Variants in GALK2 observed in about 807,000 individuals in gnomAD.
The protein encoded by GALK2 is galactokinase 2.
Under a neutral mutation model 52.4 loss-of-function variants are expected in GALK2, and 36 were observed. The ratio of observed to expected loss-of-function variants is 0.69; its 90% CI spans 0.53 to 0.91. The LOEUF is 0.91. GALK2 is among the 40% of genes least tolerant of loss of function. GALK2 has a pLI of 0.00. For synonymous variants in GALK2, 176 were observed against 199.1 expected (o/e 0.88, Z 0.98); for missense variants, 579 against 559.1 (o/e 1.04, Z -0.36).
intron 4 of GALK2, 42 bp from the exon 5 acceptor site, chr15:49,239,179 T>C: frequency 6.3e-7 from 1 of 1,580,632 alleles, no homozygotes; most frequent in Non-Finnish European, 8.7e-7. Context: ...CTCCTTGAAT[T>C]CAATACTGAA....
intron 2 of GALK2, among the ~76,000 whole-genome samples, chr15:49,208,963 A>G (rs1404301569): frequency 6.6e-6 from 1 of 152,206 alleles, no homozygotes; most frequent in Non-Finnish European, 1.5e-5. Flanking sequence ...TGTCTAATAT[A>G]AGAATGGCTA....
At chr15:49,177,171 T>A (rs191092104) in intron 1 of GALK2, among the ~76,000 whole-genome samples, 7 of 152,178 alleles carry the variant, frequency 4.6e-5, no homozygotes, top group African/African-American at 1.7e-4. Context: ...GTAATTTTTT[T>A]ATCCAATCTG....
chr15:49,350,305 C>A (rs1448505713), intron 3 of GALK2, among the ~76,000 whole-genome samples: 1 of 152,098 alleles, frequency 6.6e-6, no homozygotes, highest in East Asian at 1.9e-4. Context: ...ATTTAAATGA[C>A]CACACATGGC....
chr15:49,174,438 C>T (rs968231461), intron 1 of GALK2, among the ~76,000 whole-genome samples: 6 of 152,108 alleles, frequency 3.9e-5, no homozygotes, highest in Admixed American at 6.6e-5. Context: ...CACCACTTGC[C>T]GGGTTCAAGC....
intron 3 of GALK2, among the ~76,000 whole-genome samples, chr15:49,232,927 A>G (rs2090584479): frequency 6.6e-6 from 1 of 152,192 alleles, no homozygotes; most frequent in African/African-American, 2.4e-5. Flanking sequence ...GGAAGTTACA[A>G]ATTTTCCTCA....
intron 9 of GALK2, 83 bp from the exon 10 acceptor site, chr15:49,327,869 T>C (rs2037793146): frequency 1.5e-6 from 2 of 1,307,380 alleles, no homozygotes; most frequent in Non-Finnish European, 1.1e-6. Flanking sequence ...AGAACTTAGA[T>C]AGGCTATGTG....
intron 3 of GALK2, chr15:49,367,311 T>A: frequency 2.8e-6 from 2 of 724,854 alleles, no homozygotes; most frequent in South Asian, 3.5e-5. Flanking sequence ...GTTTTAAGCA[T>A]AAGTAAATAT....
intron 3 of GALK2, among the ~76,000 whole-genome samples, chr15:49,228,709 T>TTG: frequency 1.3e-5 from 1 of 78,414 alleles, no homozygotes; most frequent in Non-Finnish European, 2.6e-5. Flanking sequence ...TTTTTTTTTT[T>TTG]TTGCGATGGA....
rs1026820124 is a variant in GALK2 at position 49,330,264 on chromosome 15, C to T, written c.*2105C>T. ...GGTATGTAGTGAAGAATAAGATTGA[C>T]TACACTGGCTGGAGCTAGCTTTTGA... On this transcript the variant is annotated 3_prime_UTR_variant, in exon 10 of 10. Transcript: ENST00000560031. 6.6e-6 allele frequency: 1 copy of T among 152,212 alleles called. No individual in the cohort carries two copies. The highest frequency in any genetic ancestry group is 2.1e-4 in the South Asian group (1 of 4,830). The allele number at this position is 152,212 out of a possible 1,614,324, so 9.4% of individuals were successfully genotyped here. A position where few individuals can be genotyped will look rare whatever the true frequency, so the allele number is the denominator to read the frequency against.
intron 5 of GALK2, among the ~76,000 whole-genome samples, chr15:49,243,916 A>G (rs1368958233): frequency 6.6e-6 from 1 of 151,854 alleles, no homozygotes; most frequent in Non-Finnish European, 1.5e-5. Context: ...TGAGGCCAGG[A>G]GTTCAAGACC....
chr15:49,333,118 T>C (rs2039089868), downstream of GALK2, among the ~76,000 whole-genome samples: 1 of 152,172 alleles, frequency 6.6e-6, no homozygotes, highest in African/African-American at 2.4e-5. Flanking sequence ...TCCAAGTCAC[T>C]CTTTTAGTTT....
intron 5 of GALK2, among the ~76,000 whole-genome samples, chr15:49,253,896 G>A (rs1324803437): frequency 6.9e-6 from 1 of 144,260 alleles, no homozygotes; most frequent in African/African-American, 2.5e-5. Flanking sequence ...GAGGGGCACA[G>A]TCATTGGGTG....
chr15:49,340,404 C>T (rs1320691590), intron 3 of GALK2, among the ~76,000 whole-genome samples: 1 of 33,260 alleles, frequency 3.0e-5, no homozygotes, highest in Non-Finnish European at 6.2e-5. Flanking sequence ...CAGTGCCCCG[C>T]CCCCCCCCTC....
intron 8 of GALK2, among the ~76,000 whole-genome samples, chr15:49,310,313 A>G (rs1416365689): frequency 6.6e-6 from 1 of 152,206 alleles, no homozygotes; most frequent in Admixed American, 6.5e-5. Flanking sequence ...TTGATCCTAT[A>G]TCTTGGCTAT....
In GALK2 at chr15:49,292,522, C is replaced by T; in HGVS notation, c.952C>T (p.Pro318Ser). The change falls in exon 8 of 10, where the codon CCA becomes TCA. Residue 318 changes from proline to serine, a missense_variant. Physicochemically the swap from Pro to Ser is moderately conservative, Grantham distance 74 (BLOSUM62 -1). Transcript: ENST00000560031. ...GGAACTCCGAACCCAAATCCTGAGT[C>T]CAAACACTCAAGATGGTGAGTTGGC... ...LEELRTQILS[P>S]NTQDVLIFKL... 6.2e-7 allele frequency: 1 copy of T among 1,613,332 alleles called. No individual in the cohort carries two copies. The highest frequency in any genetic ancestry group is 8.5e-7 in the Non-Finnish European group (1 of 1,179,390).
At chr15:49,361,368 T>C (rs1024689713) in intron 3 of GALK2, among the ~76,000 whole-genome samples, 1 of 151,706 alleles carries the variant, frequency 6.6e-6, no homozygotes, top group African/African-American at 2.4e-5. Context: ...TAATACCCAG[T>C]AGGCAGTTTT....
At chr15:49,157,753 A>T (rs1218764923) in intron 1 of GALK2, among the ~76,000 whole-genome samples, 2 of 152,206 alleles carry the variant, frequency 1.3e-5, no homozygotes, top group Non-Finnish European at 2.9e-5. Flanking sequence ...GACCTGAGAA[A>T]TTGCTGCTTT....
intron 8 of GALK2, among the ~76,000 whole-genome samples, chr15:49,299,627 C>G (rs564611182): frequency 2.0e-5 from 3 of 151,996 alleles, no homozygotes; most frequent in African/African-American, 7.2e-5. Context: ...GCCTTAATAT[C>G]CTTCTTTACC....
intron 1 of GALK2, among the ~76,000 whole-genome samples, chr15:49,192,504 T>TATATAC (rs2086835012): frequency 2.2e-5 from 3 of 136,168 alleles, no homozygotes; most frequent in Non-Finnish European, 4.7e-5. Flanking sequence ...TATATATATA[T>TATATAC]ATATATATAT....
Sources: allele counts gnomAD v4.1 joint callset (sites outside exome capture counted in the v4.1 genomes callset), GRCh38; gene constraint gnomAD v4.1.1; transcripts MANE v1.5; gene names NCBI Gene and HGNC (gene_info 2026-07-23, HGNC 2026-07-21).